Variants in COLEC10 observed in about 807,000 individuals in gnomAD.
The protein encoded by COLEC10 is collectin subfamily member 10, also known as collectin-10.
A neutral mutation model predicts 28.4 loss-of-function variants in COLEC10; 22 were observed. The observed-to-expected ratio is 0.78, with a 90% CI of 0.55 to 1.11. The LOEUF is 1.11. Among genes scored for constraint, COLEC10 ranks in the 50% least tolerant of loss-of-function variants. COLEC10 has a pLI of 0.00. For missense variants in COLEC10, 361 were observed against 344.1 expected, an observed-to-expected ratio of 1.05 and a Z score of -0.39; for synonymous variants, 125 against 116.1, an observed-to-expected ratio of 1.08 and a Z score of -0.49.
chr8:119,022,010 C>A (rs1200965799), intron 2 of COLEC10, among the ~76,000 whole-genome samples: 1 of 152,076 alleles, frequency 6.6e-6, no homozygotes, highest in East Asian at 1.9e-4. Context: ...AAAAAATTGT[C>A]AAGACCATTT....
the COLEC10 span, among the ~76,000 whole-genome samples, chr8:118,989,534 TACACACACACACACACACAC>T: frequency 6.2e-5 from 8 of 128,660 alleles, no homozygotes; most frequent in Admixed American, 7.8e-5. Flanking sequence ...ACAGACAAAA[TACACACACACACACACACAC>T]ACACACACAC....
chr8:118,975,109 A>G, the COLEC10 span, among the ~76,000 whole-genome samples: 2 of 152,200 alleles, frequency 1.3e-5, no homozygotes, highest in East Asian at 1.9e-4. Flanking sequence ...ACATTTCCAT[A>G]GCAATAATGA....
intron 2 of COLEC10, among the ~76,000 whole-genome samples, chr8:119,023,936 C>G (rs2130113244): frequency 6.6e-6 from 1 of 152,214 alleles, no homozygotes; most frequent in African/African-American, 2.4e-5. Flanking sequence ...CAGAGACAGG[C>G]ACTGCAAATC....
intron 2 of COLEC10, among the ~76,000 whole-genome samples, chr8:119,023,757 A>G (rs1472651717): frequency 6.6e-6 from 1 of 152,184 alleles, no homozygotes; most frequent in East Asian, 1.9e-4. Flanking sequence ...TTTTCAATCA[A>G]CTTATTTGCT....
chr8:119,040,417 T>C (rs901887665), intron 2 of COLEC10, among the ~76,000 whole-genome samples: 1 of 152,172 alleles, frequency 6.6e-6, no homozygotes, highest in Non-Finnish European at 1.5e-5. Context: ...GATTGAAAAT[T>C]GAACTGTATT....
the COLEC10 span, among the ~76,000 whole-genome samples, chr8:118,954,716 T>C: frequency 6.6e-6 from 1 of 152,248 alleles, no homozygotes; most frequent in Non-Finnish European, 1.5e-5. Flanking sequence ...CCACATTGAA[T>C]AGATTTTGGA....
At chr8:118,985,505 T>A in the COLEC10 span, among the ~76,000 whole-genome samples, 8 of 151,130 alleles carry the variant, frequency 5.3e-5, no homozygotes, top group South Asian at 2.1e-4. Flanking sequence ...TGTGTTATTT[T>A]AAAAAAAAAG....
intron 2 of COLEC10, among the ~76,000 whole-genome samples, chr8:119,031,954 C>G (rs1814296406): frequency 6.6e-6 from 1 of 152,110 alleles, no homozygotes; most frequent in Admixed American, 6.5e-5. Context: ...AAGCATTGCA[C>G]TAAGCTCTTC....
intron 2 of COLEC10, among the ~76,000 whole-genome samples, chr8:119,010,585 G>A (rs762691892): frequency 6.6e-6 from 1 of 150,988 alleles, no homozygotes; most frequent in Non-Finnish European, 1.5e-5. Flanking sequence ...CTGACAAACT[G>A]TTTCCAAAGT....
chr8:118,982,895 T>C, the COLEC10 span: 1 of 152,302 alleles, frequency 6.6e-6, no homozygotes, highest in South Asian at 2.1e-4. Context: ...GAGTAAGAGG[T>C]GGAGCTGGCT....
intron 2 of COLEC10, among the ~76,000 whole-genome samples, chr8:119,059,024 T>A (rs2130192041): frequency 6.6e-6 from 1 of 152,226 alleles, no homozygotes; most frequent in East Asian, 1.9e-4. Context: ...TTTTTGTGTA[T>A]GCATTAGCTA....
chr8:118,969,927 T>C, the COLEC10 span, among the ~76,000 whole-genome samples: 1 of 151,972 alleles, frequency 6.6e-6, no homozygotes, highest in Non-Finnish European at 1.5e-5. Flanking sequence ...CAACTGATGT[T>C]GTCATCCCCA....
At chr8:119,064,297 A>T (rs1374347842), upstream of COLEC10, among the ~76,000 whole-genome samples, 1 of 152,104 alleles carries the variant, frequency 6.6e-6, no homozygotes, top group Non-Finnish European at 1.5e-5. Context: ...TTATTGAGTA[A>T]AAAAAGGAGG....
chr8:119,070,475 C>CCCCT (rs1563734103), intron 1 of COLEC10, among the ~76,000 whole-genome samples: 1 of 119,528 alleles, frequency 8.4e-6, no homozygotes, highest in Non-Finnish European at 1.8e-5. Flanking sequence ...CTCTCTCTCT[C>CCCCT]TCCTTCCCCC....
chr8:119,011,147 GT>G lies in COLEC10; in HGVS notation n.235+1596del, dbSNP rs1424776027. Among the ~76,000 whole-genome samples the G allele has an allele frequency of 3.3e-5, 5 of 151,062 alleles. No homozygotes were observed. In the East Asian group the frequency reaches 9.6e-4, roughly 29 times the overall value. On this transcript the variant is annotated intron_variant and non_coding_transcript_variant, in intron 2 of 6. Coordinates refer to the COLEC10 transcript ENST00000521788. Reference sequence around the variant, plus strand: ...CAATTAGGTCTGTGATTCATTTTGAGTTAATTTTTGTGAAGGTTGTAAAGTC... The same window carrying G: ...CAATTAGGTCTGTGATTCATTTTGAGTAATTTTTGTGAAGGTTGTAAAGTC...
At chr8:119,029,979 T>C (rs1814259166) in intron 2 of COLEC10, among the ~76,000 whole-genome samples, 1 of 152,196 alleles carries the variant, frequency 6.6e-6, no homozygotes, top group Non-Finnish European at 1.5e-5. Context: ...GTATGTAGTT[T>C]GCAGGAATAG....
chr8:119,006,496 A>G (rs4424291), intron 1 of COLEC10, among the ~76,000 whole-genome samples: 88,736 of 151,946 alleles, frequency 0.58, 26,607 homozygotes, highest in African/African-American at 0.72. Context: ...ACACTCACTA[A>G]GAATCTATTT....
the COLEC10 span, among the ~76,000 whole-genome samples, chr8:118,958,972 G>A: frequency 6.6e-6 from 1 of 152,202 alleles, no homozygotes; most frequent in Admixed American, 6.5e-5. Context: ...GTGAGATTGA[G>A]TCATTCCAGA....
chr8:118,975,626 T>C, the COLEC10 span, among the ~76,000 whole-genome samples: 1 of 152,064 alleles, frequency 6.6e-6, no homozygotes, highest in Non-Finnish European at 1.5e-5. Flanking sequence ...GGTTTTCCAG[T>C]GGCTTGGATT....
Sources: gnomAD v4.1 joint callset for allele counts (sites outside exome capture counted in the v4.1 genomes callset) on GRCh38, gnomAD v4.1.1 for gene constraint, MANE v1.5 for transcripts, NCBI Gene and HGNC (gene_info 2026-07-23, HGNC 2026-07-21) for gene names.